Variants in JADE3 observed in about 807,000 individuals in gnomAD.
JADE3 encodes protein Jade-3.
In JADE3, 2 loss-of-function variants were observed where a neutral mutation model predicts 50.1. The ratio of observed to expected loss-of-function variants is 0.04; its 90% CI spans 0.02 to 0.13. JADE3 has a LOEUF of 0.13. JADE3 is among the 10% of genes least tolerant of loss of function. JADE3 has a pLI of 1.00. For synonymous variants in JADE3, 218 were observed against 232.9 expected, an observed-to-expected ratio of 0.94 and a Z score of 0.58; for missense variants, 475 against 634.4, an observed-to-expected ratio of 0.75 and a Z score of 2.70.
At chrX:46,978,618 G>A (rs1556352133) in intron 1 of JADE3, among the ~76,000 whole-genome samples, 1 of 111,573 alleles carries the variant, frequency 9.0e-6, no homozygotes, top group African/African-American at 3.3e-5. Context: ...GGATTGGGGG[G>A]AACAGCAGTT....
chrX:46,998,411 G>A (rs1419148819), intron 4 of JADE3, 134 bp downstream of exon 4: 1 of 520,429 alleles, frequency 1.9e-6, no homozygotes, highest in African/African-American at 2.4e-5. Flanking sequence ...AATTCACTCA[G>A]ACCAGTGGCA....
intron 1 of JADE3, among the ~76,000 whole-genome samples, chrX:46,961,284 A>G (rs1396393336): frequency 9.0e-6 from 1 of 111,615 alleles, no homozygotes; most frequent in East Asian, 2.8e-4. Flanking sequence ...TCTGAGACAG[A>G]TCATGCAAAA....
At chrX:46,940,097 T>C (rs1252069406) in intron 1 of JADE3, among the ~76,000 whole-genome samples, 1 of 112,260 alleles carries the variant, frequency 8.9e-6, no homozygotes, top group Non-Finnish European at 1.9e-5. Flanking sequence ...GTTCGCTAAC[T>C]CCTGGTTTAC....
chrX:47,039,864 A>G, intron 8 of JADE3, among the ~76,000 whole-genome samples: 1 of 111,907 alleles, frequency 8.9e-6, no homozygotes, highest in Admixed American at 9.5e-5. Context: ...CACCCAGGTA[A>G]TCAGCATAAT....
chrX:46,957,595 C>T (rs1927162906), intron 1 of JADE3, among the ~76,000 whole-genome samples: 2 of 112,025 alleles, frequency 1.8e-5, no homozygotes, highest in Non-Finnish European at 3.8e-5. Context: ...ATTCCCCTGG[C>T]CGGTAGAGAT....
intron 8 of JADE3, among the ~76,000 whole-genome samples, chrX:47,040,019 G>A (rs781878455): frequency 2.8e-4 from 31 of 111,979 alleles, no homozygotes; most frequent in Admixed American, 9.5e-4. Context: ...TAGGGGAGAC[G>A]TGGATGGGAT....
intron 4 of JADE3, among the ~76,000 whole-genome samples, chrX:47,020,134 C>G (rs1602411202): frequency 9.0e-6 from 1 of 111,054 alleles, no homozygotes; most frequent in African/African-American, 3.3e-5. Flanking sequence ...AGTTTGAGAC[C>G]AGCCTGGCCA....
intron 4 of JADE3, among the ~76,000 whole-genome samples, chrX:47,003,153 C>T (rs189700529): frequency 9.0e-6 from 1 of 110,908 alleles, no homozygotes; most frequent in African/African-American, 3.3e-5. Context: ...CTTGAGCAAA[C>T]CTGAGTATTA....
chrX:47,025,006 C>A, intron 5 of JADE3, 92 bp downstream of exon 5: 1 of 438,313 alleles, frequency 2.3e-6, no homozygotes, highest in East Asian at 3.9e-5. Flanking sequence ...TTTTTGTTGC[C>A]TCCTTTCTTT....
intron 4 of JADE3, among the ~76,000 whole-genome samples, chrX:47,004,463 C>G (rs1239847486): frequency 8.9e-6 from 1 of 111,911 alleles, no homozygotes; most frequent in Non-Finnish European, 1.9e-5. Context: ...TGAGGCCTTG[C>G]TCTGTCACCC....
At chrX:47,015,864 C>T (rs1928664208) in intron 4 of JADE3, among the ~76,000 whole-genome samples, 2 of 107,661 alleles carry the variant, frequency 1.9e-5, no homozygotes, top group African/African-American at 6.8e-5. Context: ...GGACTACAGA[C>T]GTGAGCCACT....
Position 47,054,308 on chromosome X carries a change from G to A in JADE3, c.1123G>A (p.Ala375Thr), listed in dbSNP as rs782252924. 1 of 1,210,495 alleles carries A rather than the reference G, an allele frequency of 8.3e-7. No homozygotes were observed. Among genetic ancestry groups the A allele is most frequent in the Non-Finnish European group, 1.1e-6 (1 of 895,143 alleles). ...CCAAAACAGGCAGAAACTTGGAGAA[G>A]CTGAGTACCCCCACCACAGGGCTAA... The part of the protein sequence containing the change: ...HSQNRQKLGE[A>T]EYPHHRAKEQ... The change falls in exon 9 of 11, where the codon GCT becomes ACT. Residue 375 changes from alanine to threonine, a missense_variant. Around this residue, in one of 6 missense-constraint regions of JADE3, gnomAD observed 81 missense variants for 123.8 expected, o/e 0.65. Coordinates refer to ENST00000614628, the MANE Select transcript of JADE3 (RefSeq NM_014735.5).
chrX:47,046,198 T>G (rs1411035625), intron 8 of JADE3, among the ~76,000 whole-genome samples: 1 of 111,213 alleles, frequency 9.0e-6, no homozygotes, highest in Non-Finnish European at 1.9e-5. Context: ...AAGGAGACAT[T>G]GCTACTGATA....
intron 1 of JADE3, among the ~76,000 whole-genome samples, chrX:46,933,616 T>G (rs1397322592): frequency 8.9e-6 from 1 of 111,846 alleles, no homozygotes; most frequent in Non-Finnish European, 1.9e-5. Flanking sequence ...CAACTTCGTA[T>G]GCAGTATAGG....
intron 1 of JADE3, among the ~76,000 whole-genome samples, chrX:46,950,938 A>G (rs1556344784): frequency 2.7e-5 from 3 of 110,266 alleles, no homozygotes; most frequent in Admixed American, 9.6e-5. Context: ...TTAGTGTCCA[A>G]TTGTCTGTTT....
At chrX:47,048,343 C>T (rs1312469089) in intron 8 of JADE3, among the ~76,000 whole-genome samples, 2 of 111,447 alleles carry the variant, frequency 1.8e-5, no homozygotes, top group Non-Finnish European at 3.8e-5. Flanking sequence ...TATCCTTTAC[C>T]GCACAATACC....
chrX:46,966,356 C>G (rs1386521921), intron 1 of JADE3, among the ~76,000 whole-genome samples: 1 of 111,398 alleles, frequency 9.0e-6, no homozygotes, highest in African/African-American at 3.3e-5. Flanking sequence ...CTTTGCTTTG[C>G]TTTTCCCTCC....
chrX:47,032,690 T>C (rs1211292315), intron 6 of JADE3, among the ~76,000 whole-genome samples: 1 of 110,806 alleles, frequency 9.0e-6, no homozygotes, highest in East Asian at 2.8e-4. Context: ...AAGTGAGTAA[T>C]ACAAGTCTAG....
intron 1 of JADE3, among the ~76,000 whole-genome samples, chrX:46,932,935 CAA>C (rs1333539624): frequency 9.0e-6 from 1 of 111,674 alleles, no homozygotes; most frequent in African/African-American, 3.3e-5. Flanking sequence ...TCTTGTTAAA[CAA>C]TATTTCTATA....
Sources: gnomAD v4.1 joint callset for allele counts (sites outside exome capture counted in the v4.1 genomes callset) on GRCh38, gnomAD v4.1.1 for gene constraint, gnomAD v4.1.1 regional missense constraint, MANE v1.5 for transcripts, NCBI Gene and HGNC (gene_info 2026-07-23, HGNC 2026-07-21) for gene names.